ADCY9: variants seen among roughly 807,000 people sequenced by gnomAD.
ADCY9 encodes the protein adenylate cyclase 9, also known as adenylate cyclase type 9.
In ADCY9, 50 loss-of-function variants were observed where a neutral mutation model predicts 101.5. The ratio of observed to expected loss-of-function variants is 0.49; its 90% CI spans 0.39 to 0.62. The LOEUF is 0.62. ADCY9 is among the 20% of genes least tolerant of loss of function. ADCY9 has a pLI of 0.00. For synonymous variants in ADCY9, 905 were observed against 769.3 expected, an observed-to-expected ratio of 1.18 and a Z score of -2.92; for missense variants, 1,662 against 1,800.4, an observed-to-expected ratio of 0.92 and a Z score of 1.39.
intron 5 of ADCY9, among the ~76,000 whole-genome samples, chr16:3,991,521 G>A (rs1404041327): frequency 6.6e-6 from 1 of 152,100 alleles, no homozygotes; most frequent in African/African-American, 2.4e-5. Context: ...AGCACTTTAG[G>A]AGGCCGAGGC....
At chr16:3,987,413 T>G (rs530760414) in intron 6 of ADCY9, among the ~76,000 whole-genome samples, 16 of 152,312 alleles carry the variant, frequency 1.1e-4, no homozygotes, top group Admixed American at 6.5e-4. Context: ...GACGCCTGGT[T>G]TGGCAGCCAG....
At chr16:3,983,128 G>T in intron 7 of ADCY9, 104 bp downstream of exon 7, 1 of 1,084,716 alleles carries the variant, frequency 9.2e-7, no homozygotes, top group Non-Finnish European at 1.3e-6. Flanking sequence ...CAGCCAGCAG[G>T]GACAGCTGGC....
At chr16:3,993,550 C>T (rs374216073) in intron 3 of ADCY9, 40 bp from the exon 4 acceptor site, 2 of 1,604,384 alleles carry the variant, frequency 1.2e-6, no homozygotes, top group Admixed American at 3.3e-5. Flanking sequence ...CACCCAGAAA[C>T]CGCGACTGCC....
Position 4,113,699 on chromosome 16 carries a change from A to T in ADCY9, c.1693+51T>A. The T allele has an allele frequency of 8.4e-6, 13 of 1,547,766 alleles. No individual in the cohort carries two copies. The Admixed American group carries it at 1.2e-4, about 14-fold the overall frequency. On this transcript the variant is annotated intron_variant, in intron 2 of 10. Transcript: ENST00000294016. Reference sequence around the variant, plus strand: ...GCTGGAAGCTTTTTTTTTTAATTTAATACAATCAGGATCAGGGAGGGGGGA... The same window carrying T: ...GCTGGAAGCTTTTTTTTTTAATTTATTACAATCAGGATCAGGGAGGGGGGA...
intron 3 of ADCY9, among the ~76,000 whole-genome samples, chr16:4,005,133 G>A (rs2056358971): frequency 6.6e-6 from 1 of 152,028 alleles, no homozygotes; most frequent in African/African-American, 2.4e-5. Flanking sequence ...CTGTCTACTA[G>A]CCTAGTGAAG....
chr16:4,092,525 AATCTAAT>A (rs1168821955), intron 2 of ADCY9, among the ~76,000 whole-genome samples: 1 of 152,242 alleles, frequency 6.6e-6, no homozygotes, highest in Admixed American at 6.5e-5. Flanking sequence ...TCGATTATAC[AATCTAAT>A]ATCTAATTTC....
intron 2 of ADCY9, among the ~76,000 whole-genome samples, chr16:4,044,879 C>G (rs2056651925): frequency 6.6e-6 from 1 of 152,142 alleles, no homozygotes; most frequent in Admixed American, 6.6e-5. Flanking sequence ...TAAATCTTTC[C>G]CCAGACCAAC....
intron 2 of ADCY9, among the ~76,000 whole-genome samples, chr16:4,084,265 C>G (rs1210222537): frequency 6.6e-6 from 1 of 151,618 alleles, no homozygotes; most frequent in South Asian, 2.1e-4. Context: ...GCACCCACCA[C>G]CACGCCCAGC....
intron 2 of ADCY9, among the ~76,000 whole-genome samples, chr16:4,107,242 CAG>C (rs1597231548): frequency 6.6e-6 from 1 of 152,234 alleles, no homozygotes; most frequent in East Asian, 1.9e-4. Context: ...ACGTGCATAA[CAG>C]ATCCTGCTCA....
At chr16:4,076,266 A>C (rs1421131261) in intron 2 of ADCY9, among the ~76,000 whole-genome samples, 1 of 152,234 alleles carries the variant, frequency 6.6e-6, no homozygotes, top group African/African-American at 2.4e-5. Context: ...CCTAGTTGCT[A>C]ATCTGTGACA....
intron 2 of ADCY9, among the ~76,000 whole-genome samples, chr16:4,037,698 G>A (rs2056598916): frequency 6.6e-6 from 1 of 152,088 alleles, no homozygotes; most frequent in Admixed American, 6.6e-5. Flanking sequence ...GTTTTGATTT[G>A]CATTTCTCTG....
intron 10 of ADCY9, among the ~76,000 whole-genome samples, chr16:3,973,500 C>T (rs571847901): frequency 1.4e-4 from 22 of 152,082 alleles, no homozygotes; most frequent in African/African-American, 5.3e-4. Flanking sequence ...AGCCAACGTG[C>T]CTGGCCTTTT....
chr16:4,004,491 C>G (rs1213642577), intron 3 of ADCY9, among the ~76,000 whole-genome samples: 1 of 152,124 alleles, frequency 6.6e-6, no homozygotes, highest in African/African-American at 2.4e-5. Context: ...GTGGGCGCTG[C>G]CCTGGTTCTA....
chr16:4,033,261 G>C (rs1021219617), intron 2 of ADCY9, among the ~76,000 whole-genome samples: 2 of 152,024 alleles, frequency 1.3e-5, no homozygotes, highest in Non-Finnish European at 2.9e-5. Flanking sequence ...AAATGACAGA[G>C]ACAAAAAATT....
chr16:4,113,803 T>C lies in ADCY9; in HGVS notation c.1640A>G (p.Asp547Gly), dbSNP rs545435610. The change falls in exon 2 of 11, where the codon GAT becomes GGT. Residue 547 changes from aspartate (D) to glycine (G), a missense_variant. Asp to Gly is a moderately conservative substitution (Grantham distance 94). Around this residue, in one of 5 missense-constraint regions of ADCY9, gnomAD observed 624 missense variants for 639.1 expected, o/e 0.98. Coordinates refer to ENST00000294016, the MANE Select transcript of ADCY9 (RefSeq NM_001116.4). ...KYLDDRYEME[D>G]GKVIERLGQS... is the part of the protein sequence containing the mutation. ...GCCCAGCCGTTCAATAACTTTCCCA[T>C]CTTCCATTTCGTACCGGTCATCTAA... is the stretch of plus-strand genomic sequence containing the variant. 1.4e-5 allele frequency: 23 copies of C among 1,614,060 alleles called. No homozygotes were observed. Among genetic ancestry groups the C allele is most frequent in the Middle Eastern group, 1.7e-4 (1 of 6,054 alleles).
intron 2 of ADCY9, among the ~76,000 whole-genome samples, chr16:4,023,042 T>C (rs1484130136): frequency 6.6e-6 from 1 of 152,158 alleles, no homozygotes; most frequent in Non-Finnish European, 1.5e-5. Context: ...ACAACGGTGG[T>C]CCATCTGCAA....
intron 2 of ADCY9, among the ~76,000 whole-genome samples, chr16:4,108,630 C>T (rs962501734): frequency 6.6e-6 from 1 of 151,228 alleles, no homozygotes; most frequent in African/African-American, 2.4e-5. Flanking sequence ...CCTCGGTCTC[C>T]CAAAGTGCTG....
chr16:4,086,499 G>A (rs1019429130), intron 2 of ADCY9, among the ~76,000 whole-genome samples: 1 of 152,146 alleles, frequency 6.6e-6, no homozygotes, highest in East Asian at 1.9e-4. Context: ...GTGAGGAGAC[G>A]TCAGTGTCCA....
At chr16:4,027,415 T>C (rs2056523327) in intron 2 of ADCY9, among the ~76,000 whole-genome samples, 1 of 152,218 alleles carries the variant, frequency 6.6e-6, no homozygotes, top group Admixed American at 6.5e-5. Flanking sequence ...ATAAAGACTT[T>C]ATAATTATCC....
Sources: gnomAD v4.1 joint callset for allele counts (sites outside exome capture counted in the v4.1 genomes callset) on GRCh38, gnomAD v4.1.1 for gene constraint, gnomAD v4.1.1 regional missense constraint, MANE v1.5 for transcripts, NCBI Gene and HGNC (gene_info 2026-07-23, HGNC 2026-07-21) for gene names.